Variants in RFX7 observed in about 807,000 individuals in gnomAD.
RFX7 encodes the protein DNA-binding protein RFX7.
Under a neutral mutation model 111.8 loss-of-function variants are expected in RFX7, and 26 were observed. That is an observed-to-expected ratio of 0.23 (90% CI 0.17 to 0.32). RFX7 has a LOEUF of 0.32. RFX7 is among the 10% of genes least tolerant of loss of function. RFX7 has a pLI of 1.00. For synonymous variants in RFX7, 624 were observed against 624.4 expected (o/e 1.00, Z 0.01); for missense variants, 1,573 against 1,772.9 (o/e 0.89, Z 2.02).
intron 3 of RFX7, among the ~76,000 whole-genome samples, chr15:56,175,926 G>A (rs1368818727): frequency 1.3e-5 from 2 of 152,144 alleles, no homozygotes; most frequent in African/African-American, 4.8e-5. Context: ...AACATATTGG[G>A]AAGTGTTTAG....
intron 6 of RFX7, among the ~76,000 whole-genome samples, chr15:56,103,060 T>C (rs2041778605): frequency 6.6e-6 from 1 of 151,984 alleles, no homozygotes; most frequent in Admixed American, 6.6e-5. Context: ...AATTTTAATA[T>C]GGGCTTTAAA....
chr15:56,174,609 C>T (rs895927146), intron 3 of RFX7, among the ~76,000 whole-genome samples: 43 of 151,474 alleles, frequency 2.8e-4, no homozygotes, highest in South Asian at 1.3e-3. Flanking sequence ...TAGTTGGACA[C>T]GGCGGTGCAT....
At chr15:56,239,136 C>T (rs111359158) in intron 2 of RFX7, among the ~76,000 whole-genome samples, 10,116 of 151,944 alleles carry the variant, frequency 0.067, 469 homozygotes, top group Admixed American at 0.11. Flanking sequence ...GCCTAGTGTG[C>T]CTCCAATTTA....
Position 56,158,135 on chromosome 15 carries a change from T to C in RFX7, c.196-13652A>G, listed in dbSNP as rs557061303. On this transcript the variant is annotated intron_variant, in intron 3 of 9. Transcript: ENST00000559447. Reference sequence around the variant, plus strand: ...ATGACATATATATAAAATAGATGAATGAAGCAGCTGTTACTTGAAATTGAT... The same window carrying C: ...ATGACATATATATAAAATAGATGAACGAAGCAGCTGTTACTTGAAATTGAT... 1.1e-4 allele frequency among the ~76,000 whole-genome samples: 17 copies of C among 152,268 alleles called. No individual in the cohort carries two copies. The East Asian group carries it at 2.7e-3, about 24-fold the overall frequency.
intron 3 of RFX7, among the ~76,000 whole-genome samples, chr15:56,170,235 T>C (rs192811227): frequency 3.3e-4 from 50 of 152,278 alleles, no homozygotes; most frequent in African/African-American, 1.0e-3. Context: ...GGTTATTGTA[T>C]CACACAAATA....
intron 3 of RFX7, among the ~76,000 whole-genome samples, chr15:56,169,700 C>CTTT (rs35597885): frequency 1.4e-4 from 14 of 96,876 alleles, no homozygotes; most frequent in Non-Finnish European, 5.9e-5. Context: ...CTAGTCAGTT[C>CTTT]TTTTTTTTTT....
At position 56,142,835 on chromosome 15, in the gene RFX7, G is replaced by T; in HGVS notation, c.344C>A (p.Thr115Asn). 6.2e-7 allele frequency: 1 copy of T among 1,613,428 alleles called. No individual in the cohort carries two copies. Among genetic ancestry groups the T allele is most frequent in the Non-Finnish European group, 8.5e-7 (1 of 1,179,602 alleles). The change falls in exon 5 of 10, where the codon ACC becomes AAC. Residue 115 changes from threonine (T) to asparagine (N), a missense_variant. Thr to Asn is a moderately conservative substitution (Grantham distance 65). Coordinates refer to ENST00000559447, the MANE Select transcript of RFX7 (RefSeq NM_022841.7). ...TGAAGTCTCCGGATGTTCCTCTAGG[G>T]TATTCCGAATCCAGGAAAAGGCATG... ...QMHAFSWIRN[T>N]LEEHPETSLP...
At chr15:56,229,900 T>A (rs1264951401) in intron 2 of RFX7, among the ~76,000 whole-genome samples, 4 of 150,506 alleles carry the variant, frequency 2.7e-5, no homozygotes, top group Non-Finnish European at 5.9e-5. Flanking sequence ...CTTGTATGAA[T>A]TTGAAACACT....
rs2041707153 is a variant in RFX7, at chr15:56,098,185, T to C, written c.1003A>G (p.Ser335Gly). 1 of 1,613,970 alleles carries C rather than the reference T, an allele frequency of 6.2e-7. No homozygotes were observed. Among genetic ancestry groups the C allele is most frequent in the Non-Finnish European group, 8.5e-7 (1 of 1,179,852 alleles). Residue 335 changes from serine to glycine, a missense_variant, in exon 9 of 10, where the codon AGT becomes GGT. Coordinates refer to ENST00000559447, the MANE Select transcript of RFX7 (RefSeq NM_022841.7). ...TTAGTCACTCCATTGCTTGTAGCAC[T>C]TTCTGACTTTTTTGCTGCAGATTCT... ...PGESAAKKSESATSNGVTNLP... is the reference protein window; with the variant it reads ...PGESAAKKSEGATSNGVTNLP...
chr15:56,228,181 T>A (rs2043507207), intron 2 of RFX7, among the ~76,000 whole-genome samples: 2 of 151,602 alleles, frequency 1.3e-5, no homozygotes, highest in South Asian at 4.1e-4. Flanking sequence ...CTAGGCATAT[T>A]TTTTTTTGGT....
chr15:56,210,393 T>C (rs2043301091), intron 2 of RFX7, among the ~76,000 whole-genome samples: 2 of 152,042 alleles, frequency 1.3e-5, no homozygotes, highest in East Asian at 3.9e-4. Flanking sequence ...TATCCCTCTA[T>C]CTGAAATGAA....
In RFX7 at chr15:56,173,749, C is replaced by G. The variant is rs141046885; in HGVS notation, c.195+5521G>C. Among the ~76,000 whole-genome samples, 166 of 151,400 alleles carry G rather than the reference C, an allele frequency of 1.1e-3. No homozygotes were observed. In the East Asian group the frequency reaches 0.015, roughly 13 times the overall value. On this transcript the variant is annotated intron_variant, in intron 3 of 9. Transcript: ENST00000559447. ...GCAGAGGTTGCAGTGAGCTGTGGTT[C>G]TGAAATGCATTGCAGCCCGGACAAC... is the stretch of plus-strand genomic sequence containing the variant.
chr15:56,212,517 T>A (rs1355416349), intron 2 of RFX7, among the ~76,000 whole-genome samples: 1 of 152,136 alleles, frequency 6.6e-6, no homozygotes, highest in Non-Finnish European at 1.5e-5. Flanking sequence ...TGGGTAATAC[T>A]GTGTCAATGA....
intron 3 of RFX7, among the ~76,000 whole-genome samples, chr15:56,175,660 T>G (rs182924430): frequency 6.6e-6 from 1 of 152,100 alleles, no homozygotes; most frequent in South Asian, 2.1e-4. Context: ...CAACTGGATA[T>G]CCATCCATAT....
intron 5 of RFX7, 51 bp from the exon 6 acceptor site, chr15:56,103,721 C>A: frequency 1.8e-6 from 2 of 1,081,466 alleles, no homozygotes; most frequent in South Asian, 2.9e-5. Context: ...AGAATTATAT[C>A]GCAGGGTGCT....
chr15:56,127,040 A>G (rs1359397498), intron 5 of RFX7, among the ~76,000 whole-genome samples: 3 of 152,160 alleles, frequency 2.0e-5, no homozygotes, highest in Non-Finnish European at 4.4e-5. Context: ...CCTCCAGCCA[A>G]CAATAGCACA....
At chr15:56,099,353 C>T (rs2041723616) in intron 8 of RFX7, among the ~76,000 whole-genome samples, 1 of 152,134 alleles carries the variant, frequency 6.6e-6, no homozygotes, top group Admixed American at 6.5e-5. Flanking sequence ...ACTCTCTCCC[C>T]ATACTCAATA....
At chr15:56,126,698 A>G (rs1403737023) in intron 5 of RFX7, among the ~76,000 whole-genome samples, 1 of 152,236 alleles carries the variant, frequency 6.6e-6, no homozygotes, top group Non-Finnish European at 1.5e-5. Context: ...TAGGCTGTAA[A>G]TAAAAGAACC....
At chr15:56,242,034 G>A (rs1395227447) in intron 2 of RFX7, among the ~76,000 whole-genome samples, 2 of 152,112 alleles carry the variant, frequency 1.3e-5, no homozygotes. Flanking sequence ...TTCATGCAAC[G>A]CCAGTTGCTT....
Sources: allele counts gnomAD v4.1 joint callset (sites outside exome capture counted in the v4.1 genomes callset), GRCh38; gene constraint gnomAD v4.1.1; transcripts MANE v1.5; gene names NCBI Gene and HGNC (gene_info 2026-07-23, HGNC 2026-07-21).